Variants in RASEF observed in about 807,000 individuals in gnomAD.
RASEF encodes the protein RAS and EF-hand domain containing.
In RASEF, 68 loss-of-function variants were observed where a neutral mutation model predicts 90.1. That is an observed-to-expected ratio of 0.75 (90% confidence interval 0.62 to 0.92). The LOEUF (loss-of-function observed/expected upper bound fraction) is 0.92, where lower values mean the gene tolerates loss of function less well. RASEF is among the 40% of genes least tolerant of loss of function. RASEF has a pLI of 0.00. For missense variants in RASEF, 949 were observed against 937.2 expected (o/e 1.01, Z -0.16); for synonymous variants, 331 against 345.2 (o/e 0.96, Z 0.46).
chr9:83,151,997 CTGTTTGTGCTGG>C, the RASEF span, among the ~76,000 whole-genome samples: 2 of 152,160 alleles, frequency 1.3e-5, 1 homozygote, highest in Non-Finnish European at 2.9e-5. Context: ...GGACCAGAGG[CTGTTTGTGCTGG>C]TGTTTGTCAG....
chr9:83,197,857 C>A, the RASEF span, among the ~76,000 whole-genome samples: 1 of 152,176 alleles, frequency 6.6e-6, no homozygotes, highest in Non-Finnish European at 1.5e-5. Flanking sequence ...GGGATAAATC[C>A]CAGTGGAGGG....
intron 14 of RASEF, among the ~76,000 whole-genome samples, chr9:82,994,135 C>T (rs1324430210): frequency 7.1e-6 from 1 of 140,220 alleles, no homozygotes; most frequent in Non-Finnish European, 1.6e-5. Flanking sequence ...CTTCCTTTCT[C>T]TTCAGGCAAC....
rs375028973 is a variant in RASEF at position 83,040,929 on chromosome 9, C to T, written c.432-15008G>A. ...AGGCTGGAGTGCAATGGCACGATCTCGGCTCACTGCAACCTCTGCCTCCTG... is the reference window on the plus strand; with the variant it reads ...AGGCTGGAGTGCAATGGCACGATCTTGGCTCACTGCAACCTCTGCCTCCTG... On this transcript the variant is annotated intron_variant, in intron 1 of 16. Coordinates refer to ENST00000376447, the MANE Select transcript of RASEF (RefSeq NM_152573.4). 9.8e-5 allele frequency among the ~76,000 whole-genome samples: 15 copies of T among 152,288 alleles called. No individual in the cohort carries two copies. In the East Asian group the frequency reaches 1.2e-3, roughly 12 times the overall value.
the RASEF span, among the ~76,000 whole-genome samples, chr9:83,135,534 C>T: frequency 3.0e-4 from 46 of 152,236 alleles, no homozygotes; most frequent in African/African-American, 1.1e-3. Flanking sequence ...GAATTGCACA[C>T]TTTAAAAGGG....
At position 83,062,909 on chromosome 9, in the gene RASEF, G is replaced by C; in HGVS notation, c.-42C>G. ...GGCCGAGAGGGCTCCGGAGCGCCGCGGGGCGCAGGGCCCTCCCTGGAAGGA... is the reference window on the plus strand; with the variant it reads ...GGCCGAGAGGGCTCCGGAGCGCCGCCGGGCGCAGGGCCCTCCCTGGAAGGA... On this transcript the variant is annotated 5_prime_UTR_variant, in exon 1 of 17. Coordinates refer to ENST00000376447, the MANE Select transcript of RASEF (RefSeq NM_152573.4). 2.9e-6 allele frequency: 4 copies of C among 1,402,186 alleles called. No individual in the cohort carries two copies. Among genetic ancestry groups the C allele is most frequent in the South Asian group, 1.6e-5 (1 of 62,232 alleles). 86.9% of individuals were successfully genotyped at this position (1,402,186 alleles called of 1,614,324 possible). A position where few individuals can be genotyped will look rare whatever the true frequency, so the allele number is the denominator to read the frequency against.
chr9:82,998,675 T>C (rs1489403895), intron 12 of RASEF, among the ~76,000 whole-genome samples: 1 of 152,082 alleles, frequency 6.6e-6, no homozygotes, highest in Non-Finnish European at 1.5e-5. Flanking sequence ...AATGATTTAA[T>C]TTATGAGCCA....
intron 1 of RASEF, among the ~76,000 whole-genome samples, chr9:83,042,727 T>C (rs1046680071): frequency 6.6e-6 from 1 of 151,712 alleles, no homozygotes; most frequent in African/African-American, 2.4e-5. Context: ...AAAAGGAGGT[T>C]GGAAAGTCAG....
the RASEF span, among the ~76,000 whole-genome samples, chr9:83,202,654 G>GTTTT: frequency 2.8e-4 from 42 of 152,026 alleles, no homozygotes; most frequent in African/African-American, 9.2e-4. Context: ...TTTTTTGTTT[G>GTTTT]TTTGTTTGTT....
the RASEF span, among the ~76,000 whole-genome samples, chr9:83,190,494 G>C: frequency 6.6e-6 from 1 of 151,004 alleles, no homozygotes; most frequent in East Asian, 1.9e-4. Flanking sequence ...TCGAGTCTTT[G>C]AGGATTCAGG....
At chr9:83,158,177 T>G in the RASEF span, among the ~76,000 whole-genome samples, 6 of 152,130 alleles carry the variant, frequency 3.9e-5, no homozygotes, top group South Asian at 1.2e-3. Context: ...AAATGGACAA[T>G]CATGCAAGGT....
At chr9:83,175,147 A>T in the RASEF span, among the ~76,000 whole-genome samples, 12 of 152,190 alleles carry the variant, frequency 7.9e-5, no homozygotes, top group Non-Finnish European at 1.8e-4. Context: ...TCTAGCTATT[A>T]TAACAGAAAC....
chr9:83,097,326 T>C, the RASEF span, among the ~76,000 whole-genome samples: 1 of 152,228 alleles, frequency 6.6e-6, no homozygotes, highest in African/African-American at 2.4e-5. Flanking sequence ...ATCGCCATTC[T>C]AACTGGTGTG....
intron 14 of RASEF, among the ~76,000 whole-genome samples, chr9:82,993,622 C>T (rs1024887087): frequency 6.6e-6 from 1 of 152,174 alleles, no homozygotes; most frequent in Non-Finnish European, 1.5e-5. Flanking sequence ...ACAACAAAAG[C>T]AAAATATAAA....
At chr9:83,105,121 C>T in the RASEF span, among the ~76,000 whole-genome samples, 19 of 152,280 alleles carry the variant, frequency 1.2e-4, no homozygotes, top group South Asian at 3.5e-3. Flanking sequence ...GTAGCCTACT[C>T]AAGCCTGGGC....
chr9:83,200,109 G>A, the RASEF span, among the ~76,000 whole-genome samples: 14 of 152,254 alleles, frequency 9.2e-5, no homozygotes, highest in East Asian at 2.3e-3. Flanking sequence ...GGCCGGGCGC[G>A]GTGGCTCACG....
chr9:82,998,399 C>T lies in RASEF; in HGVS notation c.1771G>A (p.Val591Ile), dbSNP rs1207262158. 1.2e-6 allele frequency: 2 copies of T among 1,613,286 alleles called. No homozygotes were observed. The highest frequency in any genetic ancestry group is 2.7e-5 in the African/African-American group (2 of 74,908). The change falls in exon 13 of 17, where the codon GTT becomes ATT. Residue 591 changes from valine (V) to isoleucine (I), a missense_variant. By Grantham distance (29) the Val-to-Ile change is conservative (BLOSUM62 3). Around this residue, in one of 3 missense-constraint regions of RASEF, gnomAD observed 288 missense variants for 328.4 expected, o/e 0.88. Transcript: ENST00000376447. ...CCAGCTGTATCCCAGAGCTGCAGAA[C>T]TGTTCGTTCTCCATCCACAATGAGG... is the stretch of plus-strand genomic sequence containing the variant. ...KTLIVDGERT[V>I]LQLWDTAGQE...
At chr9:83,151,402 G>A in the RASEF span, among the ~76,000 whole-genome samples, 1 of 152,054 alleles carries the variant, frequency 6.6e-6, no homozygotes, top group Non-Finnish European at 1.5e-5. Flanking sequence ...ACCAGAAACG[G>A]GCTGTGTTAG....
At chr9:83,132,309 A>T in the RASEF span, among the ~76,000 whole-genome samples, 1 of 152,178 alleles carries the variant, frequency 6.6e-6, no homozygotes, top group Non-Finnish European at 1.5e-5. Flanking sequence ...GCCTACATAG[A>T]GAAGCCACAA....
chr9:83,114,366 C>G, the RASEF span, among the ~76,000 whole-genome samples: 1 of 152,032 alleles, frequency 6.6e-6, no homozygotes, highest in African/African-American at 2.4e-5. Flanking sequence ...ACCTCAGGAC[C>G]CTGTGATGAT....
Sources: allele counts gnomAD v4.1 joint callset (sites outside exome capture counted in the v4.1 genomes callset), GRCh38; gene constraint gnomAD v4.1.1; regional missense constraint gnomAD v4.1.1; transcripts MANE v1.5; gene names NCBI Gene and HGNC (gene_info 2026-07-23, HGNC 2026-07-21).